Variants in SARM1 observed in about 807,000 individuals in gnomAD.
SARM1 encodes the protein sterile alpha and TIR motif containing 1, also known as NAD(+) hydrolase SARM1.
Under a neutral mutation model 65.1 loss-of-function variants are expected in SARM1, and 60 were observed. The ratio of observed to expected loss-of-function variants is 0.92; its 90% CI spans 0.75 to 1.14. The LOEUF (loss-of-function observed/expected upper bound fraction) is 1.14, where lower values mean the gene tolerates loss of function less well. Ranked by LOEUF, SARM1 falls within the 50% of genes most tolerant of loss-of-function variation. The probability of loss-of-function intolerance (pLI) is 0.00; values close to 1 mark genes in which losing one functional copy is unlikely to be tolerated. For synonymous variants in SARM1, 417 were observed against 465.4 expected (o/e 0.90, Z 1.34); for missense variants, 913 against 1,015.7 (o/e 0.90, Z 1.37).
intron 7 of SARM1, among the ~76,000 whole-genome samples, chr17:28,391,261 T>C (rs1171035048): frequency 1.3e-5 from 2 of 152,186 alleles, no homozygotes; most frequent in African/African-American, 4.8e-5. Context: ...TCTTCCCCCA[T>C]GAATAGCTAG....
chr17:28,390,000 C>T (rs1451190177), intron 7 of SARM1, among the ~76,000 whole-genome samples: 5 of 152,150 alleles, frequency 3.3e-5, no homozygotes, highest in East Asian at 3.9e-4. Flanking sequence ...ACTCTATGAG[C>T]GACCATGGCC....
At chr17:28,393,971 C>T (rs1163771725) in intron 7 of SARM1, among the ~76,000 whole-genome samples, 4 of 152,122 alleles carry the variant, frequency 2.6e-5, no homozygotes, top group Non-Finnish European at 5.9e-5. Flanking sequence ...GTTGATTGAG[C>T]TCAGATCAGA....
rs1308470830 is a variant in SARM1 at position 28,397,343 on chromosome 17, A to T, written c.*1057A>T. Reference sequence around the variant, plus strand: ...GCCTAGGACTCTGCATTTCTTACAGATTCCCAGGTGAGCTGATGCTGGTGG... The same window carrying T: ...GCCTAGGACTCTGCATTTCTTACAGTTTCCCAGGTGAGCTGATGCTGGTGG... On this transcript the variant is annotated 3_prime_UTR_variant, in exon 9 of 9. Coordinates refer to ENST00000585482, the MANE Select transcript of SARM1 (RefSeq NM_015077.4). 1 of 152,222 alleles carries T rather than the reference A, an allele frequency of 6.6e-6. No homozygotes were observed. The highest frequency in any genetic ancestry group is 1.5e-5 in the Non-Finnish European group (1 of 68,050). 9.4% of individuals were successfully genotyped at this position (152,222 alleles called of 1,614,324 possible). A position where few individuals can be genotyped will look rare whatever the true frequency, so the allele number is the denominator to read the frequency against.
chr17:28,381,217 G>T lies in SARM1; in HGVS notation c.485G>T (p.Arg162Leu), dbSNP rs2068021296. Reference sequence around the variant, plus strand: ...TCACTGGGCAGAGACCGCGTGGCGCGCATTGGGCTGGGCGTGATCCTGAAC... The same window carrying T: ...TCACTGGGCAGAGACCGCGTGGCGCTCATTGGGCTGGGCGTGATCCTGAAC... ...LVAENRDRVA[R>L]IGLGVILNLA... Residue 162 changes from arginine (R) to leucine (L), a missense_variant, in exon 2 of 9, where the codon CGC (arginine) becomes CTC (leucine). Transcript: ENST00000585482. 1 of 1,604,050 alleles carries T rather than the reference G, an allele frequency of 6.2e-7. No homozygotes were observed. Among genetic ancestry groups the T allele is most frequent in the Non-Finnish European group, 8.5e-7 (1 of 1,175,642 alleles).
chr17:28,381,681 G>A lies in SARM1; in HGVS notation c.949G>A (p.Asp317Asn). The change falls in exon 2 of 9, where the codon GAC becomes AAC. Residue 317 changes from aspartate (D) to asparagine (N), a missense_variant. Physicochemically the swap from Asp to Asn is conservative, Grantham distance 23 (BLOSUM62 1). Coordinates refer to ENST00000585482, the MANE Select transcript of SARM1 (RefSeq NM_015077.4). ...RFARCLVDAS[D>N]TSQGRGPDDL... ...CGCCCGCTGTCTGGTGGACGCCAGC[G>A]ACACAAGCCAGGGCCGCGGGCCCGA... The A allele has an allele frequency of 6.4e-7, 1 of 1,560,302 alleles. No individual in the cohort carries two copies. Among genetic ancestry groups the A allele is most frequent in the South Asian group, 1.2e-5 (1 of 84,756 alleles).
At chr17:28,383,166 G>T (rs1275524083) in intron 2 of SARM1, among the ~76,000 whole-genome samples, 1 of 152,198 alleles carries the variant, frequency 6.6e-6, no homozygotes, top group African/African-American at 2.4e-5. Flanking sequence ...TTGAGGTCAG[G>T]AGTTCAAGAC....
chr17:28,389,738 A>G (rs1167869069), intron 7 of SARM1, among the ~76,000 whole-genome samples: 3 of 152,154 alleles, frequency 2.0e-5, no homozygotes, highest in African/African-American at 7.2e-5. Context: ...AAATACAAAA[A>G]TTAGCCAGGC....
chr17:28,404,048 A>G lies in SARM1; in HGVS notation c.*7762A>G. 1 of 155,360 alleles carries G rather than the reference A, an allele frequency of 6.4e-6. No individual in the cohort carries two copies. The highest frequency in any genetic ancestry group is 3.4e-3 in the Middle Eastern group (1 of 298). The allele number at this position is 155,360 out of a possible 1,614,324, so 9.6% of individuals were successfully genotyped here. On this transcript the variant is annotated 3_prime_UTR_variant, in exon 9 of 9. Coordinates refer to ENST00000585482, the MANE Select transcript of SARM1 (RefSeq NM_015077.4). ...AATCAAATAAAAATTTTAAAAAGTT[A>G]ACTTCCTCATTTACTGGCCTGTTGA...
At chr17:28,382,836 A>G (rs574173089) in intron 2 of SARM1, among the ~76,000 whole-genome samples, 15 of 234 alleles carry the variant, frequency 0.064, no homozygotes, top group African/African-American at 0.15. Context: ...ACAAGCACGC[A>G]CCACAATCCC....
chr17:28,384,697 A>G lies in SARM1; in HGVS notation c.1302+128A>G. 1 of 1,196,954 alleles carries G rather than the reference A, an allele frequency of 8.4e-7. No homozygotes were observed. Among genetic ancestry groups the G allele is most frequent in the Non-Finnish European group, 1.2e-6 (1 of 847,812 alleles). 74.1% of individuals were successfully genotyped at this position (1,196,954 alleles called of 1,614,324 possible). The stretch of plus-strand genomic sequence containing the variant: ...TTTTGGGGGCGGGGAGCCTGTACGC[A>G]GCCACCGTTAGGGTCACTCGGCTCT... On this transcript the variant is annotated intron_variant, in intron 3 of 8. Coordinates refer to ENST00000585482, the MANE Select transcript of SARM1 (RefSeq NM_015077.4). The surrounding 1 kb of genome is among the most constrained non-coding windows in gnomAD (Gnocchi z 4.4).
intron 7 of SARM1, among the ~76,000 whole-genome samples, chr17:28,393,672 A>G (rs2068093158): frequency 6.6e-6 from 1 of 152,144 alleles, no homozygotes; most frequent in Non-Finnish European, 1.5e-5. Context: ...CCCCGATTTG[A>G]TGATTCCAGA....
At chr17:28,388,650 C>T in intron 7 of SARM1, 111 bp downstream of exon 7, 1 of 1,153,774 alleles carries the variant, frequency 8.7e-7, no homozygotes. Context: ...AGCCCTGAAG[C>T]ACCTCCTTGG....
intron 5 of SARM1, among the ~76,000 whole-genome samples, chr17:28,386,149 CA>C (rs1181354366): frequency 1.1e-4 from 17 of 151,936 alleles, no homozygotes; most frequent in Non-Finnish European, 1.6e-4. Flanking sequence ...CAAAAAAATA[CA>C]AAAAATTAGC....
At position 28,402,227 on chromosome 17, in the gene SARM1, C is replaced by T; in HGVS notation, c.*5941C>T. On this transcript the variant is annotated 3_prime_UTR_variant, in exon 9 of 9. Transcript: ENST00000585482. Reference sequence around the variant, plus strand: ...ATGAGGAACCAGACACAGGTGGGTTCTGACACTCACCCTGCTCTGTCTCTC... The same window carrying T: ...ATGAGGAACCAGACACAGGTGGGTTTTGACACTCACCCTGCTCTGTCTCTC... 1.2e-6 allele frequency: 2 copies of T among 1,610,400 alleles called. No individual in the cohort carries two copies. Among genetic ancestry groups the T allele is most frequent in the South Asian group, 2.2e-5 (2 of 90,182 alleles).
Position 28,381,344 on chromosome 17 carries a change from G to T in SARM1, c.612G>T (p.Ala204=). The change falls in exon 2 of 9, where the codon GCG becomes GCT. Residue 204 remains alanine, a synonymous_variant. Coordinates refer to ENST00000585482, the MANE Select transcript of SARM1 (RefSeq NM_015077.4). Reference sequence around the variant, plus strand: ...AGGAGACATGCCAGAGGCTGGTGGCGGCCGGCGGCCTGGACGCGGTGCTGT... The same window carrying T: ...AGGAGACATGCCAGAGGCTGGTGGCTGCCGGCGGCCTGGACGCGGTGCTGT... ...HSEETCQRLV[A]AGGLDAVLYW... The T allele has an allele frequency of 6.3e-7, 1 of 1,586,708 alleles. No individual in the cohort carries two copies.
At chr17:28,380,477 G>A (rs2068016435) in intron 1 of SARM1, among the ~76,000 whole-genome samples, 1 of 152,142 alleles carries the variant, frequency 6.6e-6, no homozygotes, top group Non-Finnish European at 1.5e-5. Flanking sequence ...CTATCACTAC[G>A]ATCTGGTTCA....
In SARM1 at chr17:28,372,447, G is replaced by A. The variant is rs1555584212; in HGVS notation, c.415G>A (p.Glu139Lys). Residue 139 changes from glutamate (E) to lysine (K), a missense_variant, in exon 1 of 9, where the codon GAG (glutamate) becomes AAG (lysine). Physicochemically the swap from Glu to Lys is moderately conservative, Grantham distance 56. Around this residue, in one of 3 missense-constraint regions of SARM1, gnomAD observed 862 missense variants for 952.1 expected, o/e 0.91. Coordinates refer to ENST00000585482, the MANE Select transcript of SARM1 (RefSeq NM_015077.4). This position sits in a 1 kb window ranked among gnomAD's most constrained non-coding sequence, Gnocchi z 5.2. ...GCGGCTGCTGCAGGCGCCGGAGTTG[G>A]AGACGCGTGTGCAGGCCGCGCGCCT... Reference protein sequence around the residue: ...LLRLLQAPELETRVQAARLLE... With the variant: ...LLRLLQAPELKTRVQAARLLE... 1 of 1,530,892 alleles carries A rather than the reference G, an allele frequency of 6.5e-7. No homozygotes were observed. Among genetic ancestry groups the A allele is most frequent in the African/African-American group, 1.4e-5 (1 of 72,502 alleles). The allele number at this position is 1,530,892 out of a possible 1,614,324, so 94.8% of individuals were successfully genotyped here.
At chr17:28,388,135 A>G in intron 5 of SARM1, 39 bp from the exon 6 acceptor site, 3 of 1,382,538 alleles carry the variant, frequency 2.2e-6, no homozygotes, top group Non-Finnish European at 3.0e-6. Context: ...AGTGATGCGG[A>G]GGGGCCACCT....
rs1555589769 is a variant in SARM1 at position 28,402,257 on chromosome 17, C to T, written c.*5971C>T. 2 of 1,613,386 alleles carry T rather than the reference C, an allele frequency of 1.2e-6. No homozygotes were observed. The highest frequency in any genetic ancestry group is 1.3e-5 in the African/African-American group (1 of 75,048). On this transcript the variant is annotated 3_prime_UTR_variant, in exon 9 of 9. Transcript: ENST00000585482. ...ACTCACCCTGCTCTGTCTCTCTCAC[C>T]AGCTTGGAGAGTTTAGCCCGGATGA...
Sources: allele counts gnomAD v4.1 joint callset (sites outside exome capture counted in the v4.1 genomes callset), GRCh38; gene constraint gnomAD v4.1.1; regional missense constraint gnomAD v4.1.1; non-coding constraint Gnocchi (gnomAD v3.1); transcripts MANE v1.5; gene names NCBI Gene and HGNC (gene_info 2026-07-23, HGNC 2026-07-21).